DCLK1: variants seen among roughly 807,000 people sequenced by gnomAD.
The protein encoded by DCLK1 is doublecortin like kinase 1.
DCLK1 carries 16 observed loss-of-function variants against 86.2 expected under a neutral mutation model. The observed-to-expected ratio is 0.19, with a 90% CI of 0.13 to 0.28. The LOEUF (loss-of-function observed/expected upper bound fraction) is 0.28. DCLK1 is among the 10% of genes least tolerant of loss of function. DCLK1 has a pLI of 1.00. For synonymous variants in DCLK1, 369 were observed against 370.5 expected (o/e 1.00, Z 0.05); for missense variants, 590 against 940.2 (o/e 0.63, Z 4.87).
chr13:35,947,331 C>A, intron 4 of DCLK1, 27 bp downstream of exon 4: 1 of 1,602,244 alleles, frequency 6.2e-7, no homozygotes, highest in South Asian at 1.1e-5. Context: ...CAAATTTCCC[C>A]TGGTTTTGAA....
At chr13:35,893,423 C>T (rs1873763687) in intron 4 of DCLK1, among the ~76,000 whole-genome samples, 1 of 152,154 alleles carries the variant, frequency 6.6e-6, no homozygotes, top group Admixed American at 6.5e-5. Context: ...CAATAGCTAC[C>T]ATTTATTGAG....
chr13:36,096,747 G>A (rs1885033851), intron 3 of DCLK1, among the ~76,000 whole-genome samples: 1 of 152,128 alleles, frequency 6.6e-6, no homozygotes, highest in Admixed American at 6.5e-5. Context: ...GCTTATAAAT[G>A]GTATTTTGGA....
intron 3 of DCLK1, among the ~76,000 whole-genome samples, chr13:36,013,761 T>G (rs954735420): frequency 6.6e-6 from 1 of 152,320 alleles, no homozygotes; most frequent in Admixed American, 6.5e-5. Flanking sequence ...TCCACCCAGT[T>G]CGAGCTTCCT....
At chr13:35,871,528 T>C (rs1324449312) in intron 4 of DCLK1, among the ~76,000 whole-genome samples, 188 bp from the exon 5 acceptor site, 1 of 152,126 alleles carries the variant, frequency 6.6e-6, no homozygotes, top group Non-Finnish European at 1.5e-5. Context: ...GTGGGCTTCT[T>C]AGACATGGAA....
At chr13:36,124,086 T>G (rs1178977538) in intron 2 of DCLK1, among the ~76,000 whole-genome samples, 1 of 152,182 alleles carries the variant, frequency 6.6e-6, no homozygotes, top group Non-Finnish European at 1.5e-5. Context: ...CCCATGGCTG[T>G]CTTAGGATGT....
chr13:36,032,505 AT>A (rs1434610665), intron 3 of DCLK1, among the ~76,000 whole-genome samples: 5 of 152,168 alleles, frequency 3.3e-5, no homozygotes, highest in Non-Finnish European at 7.3e-5. Flanking sequence ...TAAATTTGAG[AT>A]TCATGCCATG....
At chr13:36,058,665 T>C (rs1217339724) in intron 3 of DCLK1, among the ~76,000 whole-genome samples, 2 of 152,146 alleles carry the variant, frequency 1.3e-5, no homozygotes, top group African/African-American at 4.8e-5. Flanking sequence ...AGGGGTTATC[T>C]GAAGGGAAAG....
chr13:35,882,058 T>C (rs1872943556), intron 4 of DCLK1, among the ~76,000 whole-genome samples: 1 of 152,128 alleles, frequency 6.6e-6, no homozygotes, highest in South Asian at 2.1e-4. Context: ...ATGACCAAAA[T>C]ATATTTGCTC....
chr13:35,822,656 G>T (rs1235488617), intron 11 of DCLK1, 73 bp downstream of exon 11: 1 of 1,588,742 alleles, frequency 6.3e-7, no homozygotes, highest in East Asian at 2.2e-5. Flanking sequence ...AGAAAGAAAA[G>T]AAAAAAGAAA....
chr13:36,103,404 TAAAAAAAA>T, intron 3 of DCLK1, among the ~76,000 whole-genome samples: 1 of 109,084 alleles, frequency 9.2e-6, no homozygotes, highest in Admixed American at 1.0e-4. Flanking sequence ...ACACCTGTCT[TAAAAAAAA>T]AAAAAAAAAA....
chr13:35,814,013 T>C (rs1291092446), intron 11 of DCLK1, among the ~76,000 whole-genome samples: 1 of 152,064 alleles, frequency 6.6e-6, no homozygotes, highest in African/African-American at 2.4e-5. Flanking sequence ...GTCAACACTT[T>C]GGGAGGAGGA....
chr13:35,770,901 G>C lies in DCLK1; in HGVS notation c.*3634C>G, dbSNP rs1425004544. On this transcript the variant is annotated 3_prime_UTR_variant, in exon 17 of 17. Transcript: ENST00000360631. ...AACCTTCACTCTTTGGTACAGCCCT[G>C]TATAGCAAACTTCAGCCTGGGGCAC... 1 of 152,142 alleles carries C rather than the reference G, an allele frequency of 6.6e-6. No individual in the cohort carries two copies. Among genetic ancestry groups the C allele is most frequent in the Non-Finnish European group, 1.5e-5 (1 of 68,032 alleles). 9.4% of individuals were successfully genotyped at this position (152,142 alleles called of 1,614,324 possible). A position where few individuals can be genotyped will look rare whatever the true frequency, so the allele number is the denominator to read the frequency against.
At chr13:36,094,798 T>C (rs1325874886) in intron 3 of DCLK1, among the ~76,000 whole-genome samples, 2 of 152,186 alleles carry the variant, frequency 1.3e-5, no homozygotes, top group African/African-American at 4.8e-5. Flanking sequence ...GCCAGGAATA[T>C]GATTTCCTGT....
At chr13:35,992,805 T>G (rs897458804) in intron 3 of DCLK1, among the ~76,000 whole-genome samples, 2 of 152,296 alleles carry the variant, frequency 1.3e-5, no homozygotes, top group African/African-American at 4.8e-5. Flanking sequence ...TTCTCCTCTT[T>G]CCCCTGAAAA....
chr13:36,014,081 G>A (rs1037674274), intron 3 of DCLK1, among the ~76,000 whole-genome samples: 4 of 152,134 alleles, frequency 2.6e-5, no homozygotes, highest in South Asian at 2.1e-4. Flanking sequence ...CACGGTGCGC[G>A]CACCCACTGG....
intron 10 of DCLK1, among the ~76,000 whole-genome samples, chr13:35,823,538 G>A (rs560062848): frequency 1.3e-5 from 2 of 152,256 alleles, no homozygotes; most frequent in East Asian, 3.9e-4. Flanking sequence ...AAATCTCAAA[G>A]AAAGTTTTCT....
At chr13:36,026,424 C>T (rs558535258) in intron 3 of DCLK1, among the ~76,000 whole-genome samples, 25 of 152,284 alleles carry the variant, frequency 1.6e-4, no homozygotes, top group African/African-American at 5.8e-4. Flanking sequence ...TCACTATACA[C>T]AACTACAGAT....
chr13:35,854,395 C>T (rs1870895556), intron 6 of DCLK1, 104 bp downstream of exon 6: 1 of 857,668 alleles, frequency 1.2e-6, no homozygotes, highest in Non-Finnish European at 1.6e-6. Context: ...CCTGTTCTAG[C>T]TTAGATATCG....
chr13:36,108,864 G>A lies in DCLK1; in HGVS notation c.723+3005C>T, dbSNP rs541095194. 5.9e-5 allele frequency among the ~76,000 whole-genome samples: 9 copies of A among 152,270 alleles called. No homozygotes were observed. The East Asian group carries it at 9.7e-4, about 16-fold the overall frequency. ...ATCTTGTTGGCAGCATATGGACCCC[G>A]ATGCCACCACAGGCAGGCCAAGATG... is the stretch of plus-strand genomic sequence containing the variant. On this transcript the variant is annotated intron_variant, in intron 3 of 16. Coordinates refer to ENST00000360631, the MANE Select transcript of DCLK1 (RefSeq NM_001330071.2).
Sources: allele counts gnomAD v4.1 joint callset (sites outside exome capture counted in the v4.1 genomes callset), GRCh38; gene constraint gnomAD v4.1.1; transcripts MANE v1.5; gene names NCBI Gene and HGNC (gene_info 2026-07-23, HGNC 2026-07-21).